RAB6A: variants seen among roughly 807,000 people sequenced by gnomAD.
RAB6A encodes ras-related protein Rab-6A.
A neutral mutation model predicts 32.3 loss-of-function variants in RAB6A; 8 were observed. The observed-to-expected ratio is 0.25, with a 90% confidence interval of 0.15 to 0.45. The LOEUF is 0.45. RAB6A is among the 20% of genes least tolerant of loss of function. The pLI is 1.00. For synonymous variants in RAB6A, 73 were observed against 82.1 expected, an observed-to-expected ratio of 0.89 and a Z score of 0.60; for missense variants, 104 against 249.4, an observed-to-expected ratio of 0.42 and a Z score of 3.93.
intron 1 of RAB6A, among the ~76,000 whole-genome samples, chr11:73,743,303 T>TTAA (rs1946529857): frequency 2.2e-5 from 2 of 92,070 alleles, no homozygotes; most frequent in Non-Finnish European, 4.5e-5. Context: ...AAACTCTGTC[T>TTAA]CAAAAAAAAA....
rs569826420 is a variant in RAB6A, at chr11:73,735,590, G to C, written c.71-4767C>G. Among the ~76,000 whole-genome samples the C allele has an allele frequency of 7.9e-5, 12 of 152,218 alleles. 1 individual carries two copies. The South Asian group carries it at 8.3e-4, about 11-fold the overall frequency. The stretch of plus-strand genomic sequence containing the variant: ...AACATGAGGTCTGAAGGAGACTTTA[G>C]CTAGAAGAAAAAGAAGGTATCTCAG... On this transcript the variant is annotated intron_variant, in intron 1 of 7. Transcript: ENST00000336083.
chr11:73,720,981 G>T, intron 2 of RAB6A, 82 bp from the exon 3 acceptor site: 1 of 981,918 alleles, frequency 1.0e-6, no homozygotes, highest in Non-Finnish European at 1.6e-6. Context: ...ATTCATGATT[G>T]TGGAAGAAAT....
intron 6 of RAB6A, among the ~76,000 whole-genome samples, chr11:73,704,805 G>A (rs1287124639): frequency 6.6e-6 from 1 of 151,766 alleles, no homozygotes; most frequent in Admixed American, 6.6e-5. Flanking sequence ...GACCATCCTG[G>A]TGAACACGGT....
intron 1 of RAB6A, among the ~76,000 whole-genome samples, chr11:73,759,496 C>A (rs968329006): frequency 6.6e-6 from 1 of 152,016 alleles, no homozygotes; most frequent in Non-Finnish European, 1.5e-5. Context: ...AATTATTTAG[C>A]CCAAATGGTA....
At position 73,760,930 on chromosome 11, in the gene RAB6A, T is replaced by C; in HGVS notation, c.-295A>G. 2 of 348,772 alleles carry C rather than the reference T, an allele frequency of 5.7e-6. No homozygotes were observed. Among genetic ancestry groups the C allele is most frequent in the Admixed American group, 9.6e-5 (2 of 20,776 alleles). 21.6% of individuals were successfully genotyped at this position (348,772 alleles called of 1,614,324 possible). ...TCTGGCTTCCCAAAGCTAGGGCCGT[T>C]CCCTCCTTCCGCACTCGGCTCCCAG... On this transcript the variant is annotated 5_prime_UTR_variant, in exon 1 of 8. Coordinates refer to ENST00000336083, the MANE Select transcript of RAB6A (RefSeq NM_198896.2).
chr11:73,753,483 A>C (rs926498387), intron 1 of RAB6A, among the ~76,000 whole-genome samples: 2 of 151,444 alleles, frequency 1.3e-5, no homozygotes, highest in Admixed American at 6.6e-5. Flanking sequence ...AGGCCGAGGC[A>C]GGCAGATCAC....
Position 73,678,953 on chromosome 11 carries a change from C to T in RAB6A, c.562+701G>A, listed in dbSNP as rs928145739. Among the ~76,000 whole-genome samples, 11 of 151,998 alleles carry T rather than the reference C, an allele frequency of 7.2e-5. No homozygotes were observed. The South Asian group carries it at 1.9e-3, about 26-fold the overall frequency. Reference sequence around the variant, plus strand: ...GTTGGTCAGGCTGGTCTTGAACTCCCGACCTCAGGTGATCCACCTGCCTTG... The same window carrying T: ...GTTGGTCAGGCTGGTCTTGAACTCCTGACCTCAGGTGATCCACCTGCCTTG... On this transcript the variant is annotated intron_variant, in intron 7 of 7. Coordinates refer to ENST00000336083, the MANE Select transcript of RAB6A (RefSeq NM_198896.2).
chr11:73,744,269 T>G (rs1590886301), intron 1 of RAB6A, among the ~76,000 whole-genome samples: 1 of 139,314 alleles, frequency 7.2e-6, no homozygotes. Flanking sequence ...ACTCGGGAGG[T>G]GGAGGTTGCA....
Position 73,687,870 on chromosome 11 carries a change from G to C in RAB6A, c.496-8150C>G, listed in dbSNP as rs1186342233. Among the ~76,000 whole-genome samples the C allele has an allele frequency of 3.4e-5, 5 of 148,020 alleles. No individual in the cohort carries two copies. The Admixed American group carries it at 3.4e-4, about 10-fold the overall frequency. On this transcript the variant is annotated intron_variant, in intron 6 of 7. Coordinates refer to ENST00000336083, the MANE Select transcript of RAB6A (RefSeq NM_198896.2). ...GAAACTCCATCTCAAGAAAAAAAAA[G>C]AAGTCACGGATGTTACCTTGTAGAC... is the stretch of plus-strand genomic sequence containing the variant.
intron 6 of RAB6A, among the ~76,000 whole-genome samples, chr11:73,703,303 C>T (rs1485097065): frequency 6.6e-6 from 1 of 151,932 alleles, no homozygotes; most frequent in Non-Finnish European, 1.5e-5. Context: ...TAAGACAGAA[C>T]CAAGGACATG....
rs375791327 is a variant in RAB6A at position 73,733,989 on chromosome 11, T to C, written c.71-3166A>G. On this transcript the variant is annotated intron_variant, in intron 1 of 7. Transcript: ENST00000336083. ...AGAGTAAAACACTTTACTATATATG[T>C]ATCATTCCCAATAAAAAGTGTATAT... 1.3e-3 allele frequency among the ~76,000 whole-genome samples: 205 copies of C among 152,310 alleles called. 4 individuals carry two copies. In the South Asian group the frequency reaches 0.041, roughly 30 times the overall value.
rs558999208 is a variant in RAB6A at position 73,760,323 on chromosome 11, G to C, written c.70+243C>G. ...CTGGGGAGGGAGGGCAGATCGACCG[G>C]AGATGGCCGGACTGCGGGGAACGGA... On this transcript the variant is annotated intron_variant, in intron 1 of 7. Transcript: ENST00000336083. Among the ~76,000 whole-genome samples, 21 of 152,284 alleles carry C rather than the reference G, an allele frequency of 1.4e-4. 1 individual carries two copies. The South Asian group carries it at 4.2e-3, about 30-fold the overall frequency.
At chr11:73,760,204 A>C in intron 1 of RAB6A, 21 of 931,294 alleles carry the variant, frequency 2.3e-5, no homozygotes, top group Non-Finnish European at 2.7e-5. Flanking sequence ...AGAGCAAGGA[A>C]TAAGGGTGGG....
chr11:73,737,880 C>G (rs1425543782), intron 1 of RAB6A, among the ~76,000 whole-genome samples: 1 of 151,158 alleles, frequency 6.6e-6, no homozygotes, highest in African/African-American at 2.4e-5. Context: ...GCCTGTAATC[C>G]CAGCTACTCG....
At chr11:73,695,811 C>T (rs1485485598) in intron 6 of RAB6A, among the ~76,000 whole-genome samples, 5 of 152,158 alleles carry the variant, frequency 3.3e-5, no homozygotes, top group Non-Finnish European at 7.3e-5. Flanking sequence ...AGGCAACAGA[C>T]ATATTTAAGT....
chr11:73,743,642 AAC>A (rs1338340308), intron 1 of RAB6A, among the ~76,000 whole-genome samples: 4 of 152,086 alleles, frequency 2.6e-5, no homozygotes, highest in African/African-American at 9.7e-5. Flanking sequence ...ACCAAAAAAA[AAC>A]ACTTAATTCT....
chr11:73,692,788 CAAAAAAAAAAA>C (rs140762210), intron 6 of RAB6A, among the ~76,000 whole-genome samples: 1,471 of 98,192 alleles, frequency 0.015, 32 homozygotes, highest in African/African-American at 0.052. Context: ...ACTAAAAATA[CAAAAAAAAAAA>C]AAAAAAAAAA....
rs1050884024 is a variant in RAB6A, at chr11:73,756,722, G to A, written c.70+3844C>T. On this transcript the variant is annotated intron_variant, in intron 1 of 7. Transcript: ENST00000336083. Reference sequence around the variant, plus strand: ...GACAAAGTCTCGCTCTGAGGCCCAGGCTGGAGTGCAGTGGGGCAATCTCAG... The same window carrying A: ...GACAAAGTCTCGCTCTGAGGCCCAGACTGGAGTGCAGTGGGGCAATCTCAG... Among the ~76,000 whole-genome samples, 6 of 152,278 alleles carry A rather than the reference G, an allele frequency of 3.9e-5. No homozygotes were observed. The East Asian group carries it at 1.2e-3, about 29-fold the overall frequency.
At chr11:73,707,663 T>C (rs1011760262) in intron 5 of RAB6A, 150 bp from the exon 6 acceptor site, 9 of 572,554 alleles carry the variant, frequency 1.6e-5, no homozygotes, top group Non-Finnish European at 2.7e-5. Context: ...GCCACACTCT[T>C]GAAATTTGTG....
Sources: allele counts gnomAD v4.1 joint callset (sites outside exome capture counted in the v4.1 genomes callset), GRCh38; gene constraint gnomAD v4.1.1; transcripts MANE v1.5; gene names NCBI Gene and HGNC (gene_info 2026-07-23, HGNC 2026-07-21).